CTIF: variants seen among roughly 807,000 people sequenced by gnomAD.
The protein encoded by CTIF is CBP80/20-dependent translation initiation factor.
CTIF carries 21 observed loss-of-function variants against 66.0 expected under a neutral mutation model. The ratio of observed to expected loss-of-function variants is 0.32; its 90% CI spans 0.23 to 0.46. The LOEUF (loss-of-function observed/expected upper bound fraction) is 0.46, where lower values mean the gene tolerates loss of function less well. Among genes scored for constraint, CTIF ranks in the 20% least tolerant of loss-of-function variants. The pLI, the probability that CTIF is intolerant of heterozygous loss-of-function variation, is 1.00. For synonymous variants in CTIF, 345 were observed against 326.4 expected (o/e 1.06, Z -0.62); for missense variants, 739 against 812.7 (o/e 0.91, Z 1.10).
intron 8 of CTIF, among the ~76,000 whole-genome samples, chr18:48,759,510 A>T (rs1908746756): frequency 6.6e-6 from 1 of 151,954 alleles, no homozygotes; most frequent in Admixed American, 6.5e-5. Flanking sequence ...TGCTAAATGT[A>T]ACTGCAGGGC....
chr18:48,745,777 A>G (rs993545392), intron 7 of CTIF, among the ~76,000 whole-genome samples: 1 of 152,226 alleles, frequency 6.6e-6, no homozygotes, highest in African/African-American at 2.4e-5. Flanking sequence ...CAAAGAAACT[A>G]TCTGCTGGGG....
chr18:48,684,093 C>T (rs2091794698), intron 6 of CTIF, among the ~76,000 whole-genome samples: 1 of 152,192 alleles, frequency 6.6e-6, no homozygotes, highest in South Asian at 2.1e-4. Context: ...GCCACTTGCA[C>T]CTCGCATGCT....
intron 7 of CTIF, among the ~76,000 whole-genome samples, chr18:48,730,185 G>C (rs567544237): frequency 4.6e-5 from 7 of 151,900 alleles, no homozygotes; most frequent in Non-Finnish European, 5.9e-5. Flanking sequence ...AGTGTGAGGG[G>C]CCCCCGAGGT....
intron 9 of CTIF, among the ~76,000 whole-genome samples, chr18:48,762,186 T>G (rs2145893847): frequency 6.6e-6 from 1 of 152,352 alleles, no homozygotes; most frequent in African/African-American, 2.4e-5. Flanking sequence ...CAACACACTA[T>G]GGCTCCTGGG....
intron 7 of CTIF, among the ~76,000 whole-genome samples, chr18:48,726,893 T>C (rs2092391321): frequency 1.3e-5 from 2 of 151,954 alleles, no homozygotes; most frequent in South Asian, 4.2e-4. Flanking sequence ...TGCAAAATAG[T>C]CTCACCCCTC....
chr18:48,796,322 C>T (rs1330220227), intron 9 of CTIF, among the ~76,000 whole-genome samples: 4 of 152,048 alleles, frequency 2.6e-5, no homozygotes, highest in East Asian at 3.8e-4. Context: ...TACAGGCGAC[C>T]GTCACCATGT....
Position 48,673,987 on chromosome 18 carries a change from C to T in CTIF, c.507+3243C>T, listed in dbSNP as rs6507858. On this transcript the variant is annotated intron_variant, in intron 6 of 11. Transcript: ENST00000256413. ...ATTGGACAGAACTAGTCACATGCCC[C>T]CGCCCCAACTGCAAGGGCTGACACT... 9.3e-3 allele frequency among the ~76,000 whole-genome samples: 1,414 copies of T among 152,288 alleles called. 13 individuals carry two copies. Among genetic ancestry groups the T allele is most frequent in the African/African-American group, 0.03 (1,239 of 41,556 alleles).
rs1460510677 is a variant in CTIF at position 48,758,544 on chromosome 18, G to A, written c.1071+139G>A. The A allele has an allele frequency of 3.7e-6, 4 of 1,084,464 alleles. No individual in the cohort carries two copies. The Admixed American group carries it at 7.0e-5, about 19-fold the overall frequency. The allele number at this position is 1,084,464 out of a possible 1,614,324, so 67.2% of individuals were successfully genotyped here. On this transcript the variant is annotated intron_variant, in intron 8 of 11. Transcript: ENST00000256413. ...CATGTACAGGGAAGCAGGGGCTTCG[G>A]TCACTGTGGGGACCAACCACACTGG...
intron 3 of CTIF, among the ~76,000 whole-genome samples, chr18:48,657,069 G>A (rs1478597876): frequency 1.3e-5 from 2 of 152,212 alleles, no homozygotes; most frequent in Non-Finnish European, 2.9e-5. Flanking sequence ...TCCCACCATC[G>A]AAAGGGGAGA....
At chr18:48,624,164 CT>C (rs1298300894) in intron 2 of CTIF, among the ~76,000 whole-genome samples, 2 of 151,274 alleles carry the variant, frequency 1.3e-5, no homozygotes, top group African/African-American at 4.9e-5. Context: ...CACCACGCCC[CT>C]CCCCCGTATT....
At chr18:48,591,613 G>A (rs984939356) in intron 1 of CTIF, among the ~76,000 whole-genome samples, 2 of 152,200 alleles carry the variant, frequency 1.3e-5, no homozygotes, top group South Asian at 2.1e-4. Context: ...ATTGTGGTGC[G>A]CATTTCCTCA....
At chr18:48,549,499 T>C (rs1234742433) in intron 1 of CTIF, among the ~76,000 whole-genome samples, 1 of 152,170 alleles carries the variant, frequency 6.6e-6, no homozygotes, top group Non-Finnish European at 1.5e-5. Context: ...GAGTCAGCGA[T>C]CATTTCAAGG....
At chr18:48,725,421 G>A (rs2092377910) in intron 7 of CTIF, among the ~76,000 whole-genome samples, 2 of 152,230 alleles carry the variant, frequency 1.3e-5, no homozygotes, top group Non-Finnish European at 2.9e-5. Flanking sequence ...CCCCTCCTAG[G>A]ATGGCAGGGG....
chr18:48,737,579 AAGC>A (rs2092514417), intron 7 of CTIF, among the ~76,000 whole-genome samples: 1 of 152,344 alleles, frequency 6.6e-6, no homozygotes, highest in African/African-American at 2.4e-5. Flanking sequence ...TAAAAATCAA[AAGC>A]AGAAGGAAAT....
chr18:48,695,384 G>C (rs1041505904), intron 6 of CTIF, among the ~76,000 whole-genome samples: 1 of 152,218 alleles, frequency 6.6e-6, no homozygotes, highest in Non-Finnish European at 1.5e-5. Flanking sequence ...TCTATTGCCA[G>C]AGAAAGGGAA....
At chr18:48,840,006 A>G (rs2068901333) in intron 10 of CTIF, among the ~76,000 whole-genome samples, 1 of 152,196 alleles carries the variant, frequency 6.6e-6, no homozygotes, top group African/African-American at 2.4e-5. Context: ...GGTAGATGCT[A>G]GACTAGACCT....
At chr18:48,773,935 T>G (rs1910412689) in intron 9 of CTIF, among the ~76,000 whole-genome samples, 1 of 152,170 alleles carries the variant, frequency 6.6e-6, no homozygotes, top group Non-Finnish European at 1.5e-5. Context: ...ACACTTGGCC[T>G]TCAACCCTCC....
At chr18:48,837,565 A>T (rs1433082703) in intron 10 of CTIF, among the ~76,000 whole-genome samples, 2 of 152,016 alleles carry the variant, frequency 1.3e-5, no homozygotes, top group African/African-American at 4.8e-5. Context: ...AGGCGATTAG[A>T]GCTAAGAAGA....
chr18:48,730,519 T>G lies in CTIF; in HGVS notation c.584+18824T>G, dbSNP rs1391682228. On this transcript the variant is annotated intron_variant, in intron 7 of 11. Transcript: ENST00000256413. ...TCTGCGGTGTGAGGGGCTTCTGCGG[T>G]GTGAGGGGCCCCTGTGGTGTGAGGG... Among the ~76,000 whole-genome samples the G allele has an allele frequency of 2.9e-5, 2 of 68,634 alleles. 1 individual carries two copies. The highest frequency in any genetic ancestry group is 5.9e-5 in the Non-Finnish European group (2 of 33,974). The allele number at this position is 68,634 out of a possible 152,430, so 45.0% of individuals were successfully genotyped here. A position where few individuals can be genotyped will look rare whatever the true frequency, so the allele number is the denominator to read the frequency against.
Sources: gnomAD v4.1 joint callset for allele counts (sites outside exome capture counted in the v4.1 genomes callset) on GRCh38, gnomAD v4.1.1 for gene constraint, MANE v1.5 for transcripts, NCBI Gene and HGNC (gene_info 2026-07-23, HGNC 2026-07-21) for gene names.